Variants in SNX6 observed in about 807,000 individuals in gnomAD.
SNX6 encodes the protein sorting nexin 6.
A neutral mutation model predicts 63.0 loss-of-function variants in SNX6; 34 were observed. The ratio of observed to expected loss-of-function variants is 0.54; its 90% CI spans 0.41 to 0.72. SNX6 has a LOEUF of 0.72. Ranked by LOEUF, SNX6 falls within the 30% of genes least tolerant of loss-of-function variation. SNX6 has a pLI of 0.00. For missense variants in SNX6, 398 were observed against 471.4 expected (o/e 0.84, Z 1.44); for synonymous variants, 170 against 164.2 (o/e 1.04, Z -0.27).
intron 10 of SNX6, among the ~76,000 whole-genome samples, chr14:34,576,171 C>A (rs1881692720): frequency 6.6e-6 from 1 of 151,552 alleles, no homozygotes; most frequent in Admixed American, 6.6e-5. Context: ...GTGATCTGCC[C>A]GCCTCAGCCT....
chr14:34,569,625 C>T (rs905234866), intron 11 of SNX6, among the ~76,000 whole-genome samples: 1 of 152,052 alleles, frequency 6.6e-6, no homozygotes, highest in Non-Finnish European at 1.5e-5. Flanking sequence ...TGGGGATTCA[C>T]CTATTCTGGA....
intron 2 of SNX6, 186 bp downstream of exon 2, chr14:34,629,721 A>G (rs1010056202): frequency 1.3e-4 from 128 of 981,970 alleles, no homozygotes; most frequent in African/African-American, 1.2e-3. Context: ...CGGGAATCGG[A>G]GCCGAGCGGC....
intron 10 of SNX6, among the ~76,000 whole-genome samples, chr14:34,578,173 C>T (rs1881787476): frequency 6.6e-6 from 1 of 152,026 alleles, no homozygotes; most frequent in Non-Finnish European, 1.5e-5. Flanking sequence ...CACTGCACTC[C>T]AGCTTGGGTG....
At chr14:34,577,516 A>G (rs1881757127) in intron 10 of SNX6, among the ~76,000 whole-genome samples, 1 of 152,220 alleles carries the variant, frequency 6.6e-6, no homozygotes, top group Admixed American at 6.6e-5. Flanking sequence ...TCAAAGCTTT[A>G]GTAAAATGTG....
chr14:34,584,972 C>T (rs1882094946), intron 9 of SNX6, among the ~76,000 whole-genome samples: 1 of 152,024 alleles, frequency 6.6e-6, no homozygotes, highest in Non-Finnish European at 1.5e-5. Context: ...CCTGCCTCAG[C>T]CTCCCAAGTA....
chr14:34,618,742 T>A (rs1328395946), intron 2 of SNX6, among the ~76,000 whole-genome samples: 1 of 152,106 alleles, frequency 6.6e-6, no homozygotes, highest in African/African-American at 2.4e-5. Flanking sequence ...CCCAGATACG[T>A]ATCTGCACAG....
rs183670287 is a variant in SNX6, at chr14:34,625,555, T to C, written c.54+4352A>G. ...TGAGACCAGCCTGGCCAACATGGTG[T>C]AACCCTGTCTCTACTAAAAATACAA... is the stretch of plus-strand genomic sequence containing the variant. On this transcript the variant is annotated intron_variant, in intron 2 of 13. Coordinates refer to ENST00000362031, the MANE Select transcript of SNX6 (RefSeq NM_152233.4). 3.0e-3 allele frequency among the ~76,000 whole-genome samples: 453 copies of C among 151,886 alleles called. 3 individuals carry two copies. Among genetic ancestry groups the C allele is most frequent in the African/African-American group, 9.7e-3 (402 of 41,434 alleles).
chr14:34,626,459 C>T (rs1883827208), intron 2 of SNX6, among the ~76,000 whole-genome samples: 1 of 151,198 alleles, frequency 6.6e-6, no homozygotes, highest in Non-Finnish European at 1.5e-5. Context: ...TCTAGACCAT[C>T]CTGGCTAACA....
At chr14:34,625,969 A>C (rs996494556) in intron 2 of SNX6, among the ~76,000 whole-genome samples, 3 of 152,142 alleles carry the variant, frequency 2.0e-5, no homozygotes, top group Non-Finnish European at 2.9e-5. Context: ...TGATATCAGA[A>C]ATGTGTTTTA....
chr14:34,568,144 A>ATTTTTT, intron 11 of SNX6, 131 bp from the exon 12 acceptor site: 5 of 457,254 alleles, frequency 1.1e-5, no homozygotes, highest in Non-Finnish European at 1.4e-5. Context: ...AGTTACTCCA[A>ATTTTTT]TTTTTTTTTT....
At chr14:34,627,351 G>T (rs1883866119) in intron 2 of SNX6, among the ~76,000 whole-genome samples, 1 of 152,180 alleles carries the variant, frequency 6.6e-6, no homozygotes, top group African/African-American at 2.4e-5. Flanking sequence ...GGAGGCTGAG[G>T]CAGGACAATG....
At chr14:34,578,937 C>CAAAAAAAAAAAAAAAAAAAAAA (rs71121210) in intron 10 of SNX6, among the ~76,000 whole-genome samples, 6 of 22,542 alleles carry the variant, frequency 2.7e-4, no homozygotes, top group Admixed American at 1.1e-3. Flanking sequence ...GACTTCATCT[C>CAAAAAAAAAAAAAAAAAAAAAA]AAAAAAAAAA....
chr14:34,595,544 GTTA>G (rs1327399138), intron 7 of SNX6, among the ~76,000 whole-genome samples: 4 of 152,142 alleles, frequency 2.6e-5, no homozygotes, highest in African/African-American at 7.2e-5. Context: ...GTTCAAAAAT[GTTA>G]TTATTCTATT....
At chr14:34,605,099 A>G (rs1331987581) in intron 5 of SNX6, among the ~76,000 whole-genome samples, 2 of 152,184 alleles carry the variant, frequency 1.3e-5, no homozygotes, top group African/African-American at 4.8e-5. Flanking sequence ...CACACTACAT[A>G]CATACGCAGT....
chr14:34,592,713 G>A (rs766544325), intron 8 of SNX6, among the ~76,000 whole-genome samples: 6 of 151,238 alleles, frequency 4.0e-5, no homozygotes, highest in Non-Finnish European at 5.9e-5. Context: ...ACAGCCATGC[G>A]GCACCACGTC....
At chr14:34,573,643 A>T (rs1309996629) in intron 11 of SNX6, among the ~76,000 whole-genome samples, 6 of 150,110 alleles carry the variant, frequency 4.0e-5, no homozygotes, top group African/African-American at 9.8e-5. Flanking sequence ...TTAATTAATT[A>T]ATTTATTTTT....
intron 11 of SNX6, among the ~76,000 whole-genome samples, chr14:34,573,832 G>A (rs1441065226): frequency 2.0e-5 from 3 of 151,182 alleles, no homozygotes; most frequent in Admixed American, 1.3e-4. Flanking sequence ...TAGTAGAGAC[G>A]GGGTTTCACT....
At chr14:34,599,985 T>C (rs1332835812) in intron 6 of SNX6, among the ~76,000 whole-genome samples, 5 of 152,080 alleles carry the variant, frequency 3.3e-5, no homozygotes, top group African/African-American at 1.2e-4. Flanking sequence ...CCACTCCTAC[T>C]CTCCAGTAAA....
At chr14:34,584,414 G>A (rs142519792) in intron 9 of SNX6, among the ~76,000 whole-genome samples, 3,167 of 150,500 alleles carry the variant, frequency 0.021, 106 homozygotes, top group African/African-American at 0.069. Context: ...TGATTCTCAC[G>A]CCTCAGCCTC....
Sources: gnomAD v4.1 joint callset for allele counts (sites outside exome capture counted in the v4.1 genomes callset) on GRCh38, gnomAD v4.1.1 for gene constraint, MANE v1.5 for transcripts, NCBI Gene and HGNC (gene_info 2026-07-23, HGNC 2026-07-21) for gene names.